SEC24B: variants seen among roughly 807,000 people sequenced by gnomAD.
SEC24B encodes protein transport protein Sec24B.
Under a neutral mutation model 142.8 loss-of-function variants are expected in SEC24B, and 45 were observed. That is an observed-to-expected ratio of 0.32 (90% CI 0.25 to 0.40). The LOEUF (loss-of-function observed/expected upper bound fraction) is 0.40, where lower values mean the gene tolerates loss of function less well. Among genes scored for constraint, SEC24B ranks in the 10% least tolerant of loss-of-function variants. The pLI, the probability that SEC24B is intolerant of heterozygous loss-of-function variation, is 1.00. For missense variants in SEC24B, 1,409 were observed against 1,526.8 expected (o/e 0.92, Z 1.29); for synonymous variants, 574 against 568.2 (o/e 1.01, Z -0.15).
chr4:109,512,124 AG>A (rs750182268), intron 9 of SEC24B, 41 bp downstream of exon 9: 4 of 1,524,320 alleles, frequency 2.6e-6, no homozygotes, highest in Non-Finnish European at 8.8e-7. Flanking sequence ...TCCTATTTTC[AG>A]GTTTTTTTTT....
intron 3 of SEC24B, among the ~76,000 whole-genome samples, chr4:109,475,889 T>C (rs1733068033): frequency 1.3e-5 from 2 of 152,166 alleles, no homozygotes; most frequent in Admixed American, 6.5e-5. Context: ...ATATATAAAA[T>C]GAAATGTTAA....
At chr4:109,480,727 C>T (rs955395876) in intron 3 of SEC24B, among the ~76,000 whole-genome samples, 9 of 152,244 alleles carry the variant, frequency 5.9e-5, no homozygotes, top group African/African-American at 2.2e-4. Flanking sequence ...GATCCTCCCA[C>T]CTTGGCCTCC....
At chr4:109,476,540 A>G (rs367862989) in intron 3 of SEC24B, among the ~76,000 whole-genome samples, 12 of 125,212 alleles carry the variant, frequency 9.6e-5, no homozygotes, top group African/African-American at 7.3e-4. Context: ...TTGTTCACAT[A>G]AAGTAGATTA....
chr4:109,482,955 T>TAC (rs1412883559), intron 4 of SEC24B, among the ~76,000 whole-genome samples: 2 of 52,588 alleles, frequency 3.8e-5, no homozygotes, highest in African/African-American at 1.5e-4. Flanking sequence ...TATATATATA[T>TAC]ATATATATAT....
intron 1 of SEC24B, among the ~76,000 whole-genome samples, chr4:109,456,263 A>AT (rs1229476507): frequency 7.0e-6 from 1 of 143,844 alleles, no homozygotes; most frequent in Admixed American, 7.0e-5. Context: ...AATTCCAGGC[A>AT]TTTTTTGGAA....
At chr4:109,441,194 A>G (rs1297203501) in intron 1 of SEC24B, among the ~76,000 whole-genome samples, 1 of 152,184 alleles carries the variant, frequency 6.6e-6, no homozygotes. Context: ...AGGATTTCTG[A>G]TTAATGGATA....
intron 22 of SEC24B, among the ~76,000 whole-genome samples, chr4:109,533,897 C>T (rs1725200298): frequency 6.6e-6 from 1 of 152,126 alleles, no homozygotes; most frequent in Non-Finnish European, 1.5e-5. Context: ...ATCCCTGTCC[C>T]CAGGCAACTA....
Position 109,470,632 on chromosome 4 carries a change from A to C in SEC24B, c.878-2372A>C, listed in dbSNP as rs72896688. On this transcript the variant is annotated intron_variant, in intron 2 of 23. Transcript: ENST00000265175. ...CTGCCCTAGGGAAACTTGCACATCT[A>C]TACCAGGGACAAGTGCATGAGTATT... 5.5e-3 allele frequency among the ~76,000 whole-genome samples: 834 copies of C among 152,346 alleles called. 6 individuals carry two copies. The highest frequency in any genetic ancestry group is 0.02 in the African/African-American group (812 of 41,580).
chr4:109,469,300 C>T, intron 2 of SEC24B, among the ~76,000 whole-genome samples: 1 of 152,032 alleles, frequency 6.6e-6, no homozygotes, highest in East Asian at 1.9e-4. Context: ...CTCCCTGGTC[C>T]TTAATGTTAG....
intron 22 of SEC24B, among the ~76,000 whole-genome samples, chr4:109,534,853 T>A (rs1236756697): frequency 2.0e-5 from 3 of 152,184 alleles, no homozygotes; most frequent in Non-Finnish European, 2.9e-5. Flanking sequence ...TAAAAAAATT[T>A]TTTTTCTAGA....
chr4:109,525,229 G>T, intron 15 of SEC24B, 117 bp from the exon 16 acceptor site: 1 of 855,190 alleles, frequency 1.2e-6, no homozygotes, highest in Non-Finnish European at 1.7e-6. Context: ...TTCTTATTTT[G>T]ATGGCTTAGG....
At chr4:109,467,721 A>G (rs940947849) in intron 2 of SEC24B, among the ~76,000 whole-genome samples, 3 of 152,226 alleles carry the variant, frequency 2.0e-5, no homozygotes, top group African/African-American at 7.2e-5. Flanking sequence ...CTTGTTGCCA[A>G]GATGTAGAAT....
In SEC24B at chr4:109,506,410, C is replaced by T. The variant is rs759831599; in HGVS notation, c.1571C>T (p.Pro524Leu). ...QSSPQPESLRPVNLTQERNIL... is the reference protein window; with the variant it reads ...QSSPQPESLRLVNLTQERNIL... ...TCTCCACAACCAGAAAGCCTGAGAC[C>T]TGTAAACCTTACTCAGGAGAGGAAT... Residue 524 changes from proline to leucine, a missense_variant, in exon 7 of 24, where the codon CCT (proline) becomes CTT (leucine). Pro to Leu is a moderately conservative substitution (Grantham distance 98, BLOSUM62 -3). Coordinates refer to ENST00000265175, the MANE Select transcript of SEC24B (RefSeq NM_006323.5). 34 of 1,610,408 alleles carry T rather than the reference C, an allele frequency of 2.1e-5. No individual in the cohort carries two copies. In the South Asian group the frequency reaches 3.8e-4, roughly 18 times the overall value.
chr4:109,516,776 A>G (rs780507480), intron 11 of SEC24B, 136 bp downstream of exon 11: 11 of 488,466 alleles, frequency 2.3e-5, no homozygotes, highest in Non-Finnish European at 3.9e-5. Context: ...CTTATGTACC[A>G]CAGAATAAGA....
At chr4:109,465,459 A>T (rs1309264520) in intron 2 of SEC24B, among the ~76,000 whole-genome samples, 1 of 152,228 alleles carries the variant, frequency 6.6e-6, no homozygotes, top group African/African-American at 2.4e-5. Context: ...TGTGGTCATT[A>T]ATGGTAGAAA....
intron 1 of SEC24B, among the ~76,000 whole-genome samples, chr4:109,451,387 G>A (rs2125910002): frequency 6.7e-6 from 1 of 149,626 alleles, no homozygotes; most frequent in East Asian, 2.0e-4. Flanking sequence ...AAGAAATGGA[G>A]TCTCGCTGTG....
At chr4:109,459,167 TTAAA>T (rs1169405629) in intron 1 of SEC24B, among the ~76,000 whole-genome samples, 14 of 152,272 alleles carry the variant, frequency 9.2e-5, no homozygotes, top group African/African-American at 3.1e-4. Context: ...GCCATAGAGC[TTAAA>T]TAAATGTGGA....
At position 109,443,466 on chromosome 4, in the gene SEC24B, T is replaced by C. The variant is rs115423584; in HGVS notation, c.133+9464T>C. Among the ~76,000 whole-genome samples the C allele has an allele frequency of 7.6e-3, 1,153 of 152,262 alleles. 16 individuals are homozygous for C. The highest frequency in any genetic ancestry group is 0.025 in the African/African-American group (1,051 of 41,554). ...TGTGTTGCCTGGGATGGTCTCAAAC[T>C]CCTAGGCTCAAGTGACCCTCCAACC... On this transcript the variant is annotated intron_variant, in intron 1 of 23. Coordinates refer to ENST00000265175, the MANE Select transcript of SEC24B (RefSeq NM_006323.5).
chr4:109,517,349 C>T (rs552339769), intron 11 of SEC24B, among the ~76,000 whole-genome samples: 3 of 152,188 alleles, frequency 2.0e-5, no homozygotes, highest in Non-Finnish European at 4.4e-5. Context: ...GAGGTCATTA[C>T]GTTAAGTGAA....
Sources: gnomAD v4.1 joint callset for allele counts (sites outside exome capture counted in the v4.1 genomes callset) on GRCh38, gnomAD v4.1.1 for gene constraint, MANE v1.5 for transcripts, NCBI Gene and HGNC (gene_info 2026-07-23, HGNC 2026-07-21) for gene names.